Variants in THSD4 observed in about 807,000 individuals in gnomAD.
THSD4 encodes the protein thrombospondin type-1 domain-containing protein 4.
THSD4 carries 69 observed loss-of-function variants against 119.0 expected under a neutral mutation model. The observed-to-expected ratio is 0.58, with a 90% CI of 0.48 to 0.71. The LOEUF (loss-of-function observed/expected upper bound fraction) is 0.71, where lower values mean the gene tolerates loss of function less well. Ranked by LOEUF, THSD4 falls within the 30% of genes least tolerant of loss-of-function variation. The pLI is 0.00. For synonymous variants in THSD4, 524 were observed against 540.4 expected, an observed-to-expected ratio of 0.97 and a Z score of 0.42; for missense variants, 1,393 against 1,391.1, an observed-to-expected ratio of 1.00 and a Z score of -0.02.
intron 6 of THSD4, among the ~76,000 whole-genome samples, chr15:71,368,933 C>T (rs1363992630): frequency 6.6e-6 from 1 of 152,166 alleles, no homozygotes; most frequent in Non-Finnish European, 1.5e-5. Context: ...AATGTTCTTC[C>T]ATTTGTTTGT....
At chr15:71,719,102 T>C (rs984930612) in intron 8 of THSD4, among the ~76,000 whole-genome samples, 1 of 152,250 alleles carries the variant, frequency 6.6e-6, no homozygotes, top group African/African-American at 2.4e-5. Context: ...AAAGGAAATT[T>C]GGAGTCAGAA....
chr15:71,164,930 C>T (rs2043280881), intron 3 of THSD4: 4 of 1,574,632 alleles, frequency 2.5e-6, no homozygotes, highest in South Asian at 1.1e-5. Context: ...TCCTTTAGCT[C>T]GATATGCAGC....
chr15:71,526,684 T>TTG (rs2048525034), intron 7 of THSD4, among the ~76,000 whole-genome samples: 1 of 152,244 alleles, frequency 6.6e-6, no homozygotes, highest in Non-Finnish European at 1.5e-5. Context: ...AGACTTTGAT[T>TTG]TGACACTTTT....
chr15:71,304,707 G>A (rs112628194), intron 6 of THSD4, among the ~76,000 whole-genome samples: 9 of 152,118 alleles, frequency 5.9e-5, no homozygotes, highest in East Asian at 1.9e-4. Flanking sequence ...CTCCAACCTC[G>A]TCTATGGTAA....
intron 7 of THSD4, among the ~76,000 whole-genome samples, chr15:71,435,027 T>TA (rs1038361886): frequency 3.9e-5 from 6 of 152,028 alleles, no homozygotes. Flanking sequence ...AAAAGAAACT[T>TA]AAAGATGAGC....
intron 5 of THSD4, among the ~76,000 whole-genome samples, chr15:71,245,745 A>C (rs1455866779): frequency 1.3e-5 from 2 of 151,952 alleles, no homozygotes; most frequent in Non-Finnish European, 2.9e-5. Context: ...AAAATTCCAG[A>C]CTCCTAAAAA....
chr15:71,493,153 A>C (rs1293825545), intron 7 of THSD4, among the ~76,000 whole-genome samples: 1 of 152,210 alleles, frequency 6.6e-6, no homozygotes, highest in African/African-American at 2.4e-5. Context: ...TTGGTATAAA[A>C]GCATGAATGC....
rs554911108 is a variant in THSD4 at position 71,280,151 on chromosome 15, G to A, written c.1015+23436G>A. On this transcript the variant is annotated intron_variant, in intron 6 of 17. Transcript: ENST00000261862. ...GGTGTTCCAGGCAGAGGGAACCACA[G>A]AAGCAAAGGTGCTTGGGCAGAAAAT... Among the ~76,000 whole-genome samples, 3 of 152,324 alleles carry A rather than the reference G, an allele frequency of 2.0e-5. No individual in the cohort carries two copies. In the South Asian group the frequency reaches 6.2e-4, roughly 32 times the overall value.
chr15:71,548,246 C>T (rs1173913874), intron 7 of THSD4, among the ~76,000 whole-genome samples: 1 of 152,098 alleles, frequency 6.6e-6, no homozygotes, highest in Non-Finnish European at 1.5e-5. Context: ...ACGTATTTCC[C>T]TCATCCACTC....
intron 6 of THSD4, among the ~76,000 whole-genome samples, chr15:71,355,655 C>T (rs941204906): frequency 2.6e-5 from 4 of 152,080 alleles, no homozygotes; most frequent in African/African-American, 7.2e-5. Flanking sequence ...AGGCTTGGCC[C>T]CTGCTCAGCG....
chr15:71,236,956 C>T (rs1445027896), intron 4 of THSD4, among the ~76,000 whole-genome samples: 1 of 152,124 alleles, frequency 6.6e-6, no homozygotes, highest in East Asian at 1.9e-4. Flanking sequence ...GTGACTAGGT[C>T]ATTATTTTGG....
intron 7 of THSD4, among the ~76,000 whole-genome samples, chr15:71,542,531 A>G (rs1444968786): frequency 6.6e-6 from 1 of 152,176 alleles, no homozygotes; most frequent in African/African-American, 2.4e-5. Flanking sequence ...CTTCTATAGT[A>G]TTCTTCGTAA....
intron 7 of THSD4, among the ~76,000 whole-genome samples, chr15:71,517,899 C>G (rs2048383149): frequency 6.6e-6 from 1 of 152,250 alleles, no homozygotes; most frequent in Admixed American, 6.5e-5. Flanking sequence ...AATCAGAACT[C>G]CTTCCAGAGC....
chr15:71,699,487 G>A (rs956713916), intron 8 of THSD4, among the ~76,000 whole-genome samples: 1 of 152,148 alleles, frequency 6.6e-6, no homozygotes, highest in Admixed American at 6.5e-5. Flanking sequence ...TTTCTTTAAA[G>A]CCAATTATTC....
intron 7 of THSD4, among the ~76,000 whole-genome samples, chr15:71,551,955 C>T (rs556614489): frequency 6.6e-6 from 1 of 152,316 alleles, no homozygotes; most frequent in Admixed American, 6.5e-5. Context: ...AGATGCCAGC[C>T]TAGGGCCAGC....
intron 7 of THSD4, among the ~76,000 whole-genome samples, chr15:71,481,854 A>G (rs1020117889): frequency 2.0e-5 from 3 of 152,196 alleles, no homozygotes; most frequent in African/African-American, 4.8e-5. Flanking sequence ...GTTTTGAGTG[A>G]ATTCCCTCTA....
intron 8 of THSD4, among the ~76,000 whole-genome samples, chr15:71,728,101 C>T (rs1339424562): frequency 6.6e-6 from 1 of 152,018 alleles, no homozygotes; most frequent in Admixed American, 6.5e-5. Context: ...TAAATTTGGG[C>T]TCAGTTATTT....
intron 14 of THSD4, among the ~76,000 whole-genome samples, chr15:71,755,391 G>T (rs924152758): frequency 6.6e-6 from 1 of 152,138 alleles, no homozygotes; most frequent in Non-Finnish European, 1.5e-5. Context: ...GAGGTTGTAA[G>T]GATTGTTTTT....
chr15:71,738,854 T>A (rs763556350), intron 11 of THSD4, among the ~76,000 whole-genome samples: 1 of 151,930 alleles, frequency 6.6e-6, no homozygotes, highest in Non-Finnish European at 1.5e-5. Flanking sequence ...GACCTCAGCA[T>A]AAAAAAACAC....
Sources: gnomAD v4.1 joint callset for allele counts (sites outside exome capture counted in the v4.1 genomes callset) on GRCh38, gnomAD v4.1.1 for gene constraint, MANE v1.5 for transcripts, NCBI Gene and HGNC (gene_info 2026-07-23, HGNC 2026-07-21) for gene names.